NAALADL2: variants seen among roughly 807,000 people sequenced by gnomAD.
NAALADL2 encodes the protein inactive N-acetylated-alpha-linked acidic dipeptidase-like protein 2.
A neutral mutation model predicts 87.2 loss-of-function variants in NAALADL2; 76 were observed. The observed-to-expected ratio is 0.87, with a 90% confidence interval of 0.72 to 1.05. The LOEUF is 1.05. Ranked by LOEUF, NAALADL2 falls within the 50% of genes least tolerant of loss-of-function variation. NAALADL2 has a pLI of 0.00. For synonymous variants in NAALADL2, 354 were observed against 331.0 expected (o/e 1.07, Z -0.75); for missense variants, 1,089 against 945.8 (o/e 1.15, Z -1.99).
chr3:175,322,960 C>T (rs1364883675), intron 4 of NAALADL2, among the ~76,000 whole-genome samples: 3 of 151,744 alleles, frequency 2.0e-5, no homozygotes, highest in South Asian at 2.1e-4. Context: ...ACTAGAAATA[C>T]CATTTGACCC....
intron 2 of NAALADL2, among the ~76,000 whole-genome samples, chr3:175,133,954 A>G (rs1202613241): frequency 6.6e-6 from 1 of 152,206 alleles, no homozygotes; most frequent in African/African-American, 2.4e-5. Context: ...ACTAGTTGGC[A>G]TCATCTTTAA....
chr3:175,260,785 G>A (rs1182657459), intron 4 of NAALADL2, among the ~76,000 whole-genome samples: 1 of 152,082 alleles, frequency 6.6e-6, no homozygotes, highest in Admixed American at 6.6e-5. Flanking sequence ...GCTAGGGAGG[G>A]CAAAGGGGAA....
At chr3:175,685,569 T>G (rs1736167237) in intron 11 of NAALADL2, among the ~76,000 whole-genome samples, 2 of 151,610 alleles carry the variant, frequency 1.3e-5, no homozygotes, top group Non-Finnish European at 2.9e-5. Context: ...TTGGCTCACA[T>G]GACTGTGGAG....
intron 2 of NAALADL2, among the ~76,000 whole-genome samples, chr3:175,181,727 G>GTGTA (rs1560128932): frequency 2.9e-4 from 5 of 17,048 alleles, no homozygotes; most frequent in South Asian, 3.1e-3. Flanking sequence ...GTATATATAT[G>GTGTA]TATATATGTG....
At chr3:174,493,485 A>T (rs1475423638) in intron 1 of NAALADL2, among the ~76,000 whole-genome samples, 2 of 152,220 alleles carry the variant, frequency 1.3e-5, no homozygotes, top group African/African-American at 4.8e-5. Context: ...CCTCAGAAGG[A>T]ACCACGCTGA....
chr3:175,508,532 C>T (rs1196324263), intron 9 of NAALADL2, among the ~76,000 whole-genome samples: 2 of 152,084 alleles, frequency 1.3e-5, no homozygotes, highest in African/African-American at 2.4e-5. Context: ...TGAACTTTAT[C>T]ACCAACATTC....
intron 2 of NAALADL2, among the ~76,000 whole-genome samples, chr3:175,232,103 A>G (rs1405301407): frequency 1.3e-5 from 2 of 151,964 alleles, no homozygotes; most frequent in African/African-American, 4.8e-5. Context: ...TTTAAAAAGA[A>G]GAAGGAGAAG....
chr3:174,963,135 T>C (rs1263377318), intron 1 of NAALADL2, among the ~76,000 whole-genome samples: 1 of 152,134 alleles, frequency 6.6e-6, no homozygotes, highest in African/African-American at 2.4e-5. Context: ...TCTGTTTAGA[T>C]GGCTCTGGTG....
intron 13 of NAALADL2, among the ~76,000 whole-genome samples, chr3:175,767,827 G>A (rs115093144): frequency 0.024 from 3,596 of 152,154 alleles, 141 homozygotes; most frequent in African/African-American, 0.08. Context: ...AGCAGCTCTC[G>A]GAGAAATTCT....
chr3:175,590,214 ATATATATATAT>A (rs1721204398), intron 10 of NAALADL2, among the ~76,000 whole-genome samples: 14 of 146,984 alleles, frequency 9.5e-5, no homozygotes, highest in African/African-American at 3.6e-4. Context: ...TCCGTCTAAT[ATATATATATAT>A]ATATATATAT....
At chr3:175,262,376 T>C (rs1751175810) in intron 4 of NAALADL2, among the ~76,000 whole-genome samples, 1 of 152,056 alleles carries the variant, frequency 6.6e-6, no homozygotes, top group Admixed American at 6.6e-5. Flanking sequence ...GAATATTGTT[T>C]TATTTATTCT....
chr3:174,463,235 CT>C (rs1439610872), intron 1 of NAALADL2, among the ~76,000 whole-genome samples: 3 of 152,136 alleles, frequency 2.0e-5, no homozygotes, highest in Non-Finnish European at 4.4e-5. Context: ...AGCAGGACTG[CT>C]TATGGTCCTC....
chr3:174,894,828 T>C (rs1413726105), intron 1 of NAALADL2, among the ~76,000 whole-genome samples: 1 of 151,764 alleles, frequency 6.6e-6, no homozygotes, highest in Non-Finnish European at 1.5e-5. Context: ...TGAAATAATA[T>C]CAAACATCTT....
chr3:174,541,327 A>G (rs1722199571), intron 1 of NAALADL2, among the ~76,000 whole-genome samples: 1 of 152,166 alleles, frequency 6.6e-6, no homozygotes, highest in South Asian at 2.1e-4. Context: ...TATCTGAATG[A>G]CGTTTCTAAA....
intron 5 of NAALADL2, among the ~76,000 whole-genome samples, chr3:175,358,268 A>G (rs1423850158): frequency 1.3e-5 from 2 of 152,066 alleles, no homozygotes; most frequent in Non-Finnish European, 2.9e-5. Context: ...CTTCTTATTT[A>G]TCCTTATAAC....
intron 2 of NAALADL2, among the ~76,000 whole-genome samples, chr3:174,575,640 G>T (rs906615749): frequency 6.6e-6 from 1 of 152,150 alleles, no homozygotes; most frequent in African/African-American, 2.4e-5. Flanking sequence ...ATTCCATTGT[G>T]AAATTTCTAA....
chr3:174,924,375 T>C (rs547854772), intron 1 of NAALADL2, among the ~76,000 whole-genome samples: 127 of 152,184 alleles, frequency 8.3e-4, no homozygotes, highest in African/African-American at 2.7e-3. Context: ...TACATGTCCC[T>C]ACAAAGGACA....
chr3:174,768,509 C>A (rs535906696), intron 3 of NAALADL2, among the ~76,000 whole-genome samples: 3 of 152,162 alleles, frequency 2.0e-5, no homozygotes, highest in Non-Finnish European at 4.4e-5. Context: ...AAGGCACCAA[C>A]TCCAGTGCTT....
At position 175,013,141 on chromosome 3, in the gene NAALADL2, T is replaced by TAC. The variant is rs1560475188; in HGVS notation, c.44-83649_44-83648insAC. 3.0e-3 allele frequency among the ~76,000 whole-genome samples: 233 copies of TAC among 78,010 alleles called. 1 individual carries two copies. The highest frequency in any genetic ancestry group is 4.9e-3 in the Non-Finnish European group (186 of 37,634). The allele number at this position is 78,010 out of a possible 152,430, so 51.2% of individuals were successfully genotyped here. On this transcript the variant is annotated intron_variant, in intron 1 of 13. Coordinates refer to ENST00000454872, the MANE Select transcript of NAALADL2 (RefSeq NM_207015.3). ...AAATATACATATTTATATATAAATATGTAATACATATTTATATATAAATAT... is the reference window on the plus strand; with the variant it reads ...AAATATACATATTTATATATAAATATACGTAATACATATTTATATATAAATAT...
Sources: allele counts gnomAD v4.1 joint callset (sites outside exome capture counted in the v4.1 genomes callset), GRCh38; gene constraint gnomAD v4.1.1; transcripts MANE v1.5; gene names NCBI Gene and HGNC (gene_info 2026-07-23, HGNC 2026-07-21).